The following HEMK2 variants were observed in gnomAD, a reference collection of about 807,000 sequenced individuals.
HEMK2 encodes methyltransferase HEMK2.
the HEMK2 span, among the ~76,000 whole-genome samples, chr21:28,656,032 A>C: frequency 6.6e-6 from 1 of 152,122 alleles, no homozygotes; most frequent in Non-Finnish European, 1.5e-5. Flanking sequence ...TCATACTTTA[A>C]ATATCCAACT....
the HEMK2 span, among the ~76,000 whole-genome samples, chr21:28,644,239 T>C: frequency 6.6e-6 from 1 of 152,078 alleles, no homozygotes; most frequent in Non-Finnish European, 1.5e-5. Context: ...GGAAGAAGAA[T>C]AACCAATGGA....
At chr21:28,628,858 T>C in the HEMK2 span, among the ~76,000 whole-genome samples, 1 of 152,252 alleles carries the variant, frequency 6.6e-6, no homozygotes, top group Non-Finnish European at 1.5e-5. Context: ...CCTGCATCCA[T>C]GTGCTCTGGC....
the HEMK2 span, among the ~76,000 whole-genome samples, chr21:28,586,855 T>C: frequency 6.6e-6 from 1 of 152,130 alleles, no homozygotes; most frequent in Non-Finnish European, 1.5e-5. Context: ...TTGGGCCTCT[T>C]TTATAAGGGC....
chr21:28,618,228 A>G, the HEMK2 span, among the ~76,000 whole-genome samples: 8 of 152,206 alleles, frequency 5.3e-5, no homozygotes, highest in African/African-American at 1.9e-4. Flanking sequence ...CGACTTAAGA[A>G]TTTCAAATCC....
chr21:28,600,397 G>A, the HEMK2 span, among the ~76,000 whole-genome samples: 1 of 152,242 alleles, frequency 6.6e-6, no homozygotes, highest in African/African-American at 2.4e-5. Context: ...AGCCTGAGCT[G>A]TACCTTGGCC....
the HEMK2 span, among the ~76,000 whole-genome samples, chr21:28,836,810 T>TAA: frequency 4.5e-4 from 66 of 146,590 alleles, no homozygotes; most frequent in South Asian, 3.9e-3. Flanking sequence ...GTAAAGCGGT[T>TAA]AAAAAAAAAA....
chr21:28,845,115 G>A, the HEMK2 span, among the ~76,000 whole-genome samples: 1 of 151,964 alleles, frequency 6.6e-6, no homozygotes, highest in Non-Finnish European at 1.5e-5. Context: ...AAGCTTCTTA[G>A]CCATCTGGAA....
At chr21:28,620,613 T>C in the HEMK2 span, among the ~76,000 whole-genome samples, 2 of 151,310 alleles carry the variant, frequency 1.3e-5, no homozygotes, top group Admixed American at 6.6e-5. Context: ...AGTGGTGATA[T>C]TCCCTTTATC....
chr21:28,812,511 T>C, the HEMK2 span, among the ~76,000 whole-genome samples: 1 of 152,202 alleles, frequency 6.6e-6, no homozygotes, highest in East Asian at 1.9e-4. Flanking sequence ...GTGGATAACC[T>C]TTTTGATGTG....
chr21:28,601,536 C>T, the HEMK2 span, among the ~76,000 whole-genome samples: 6 of 151,978 alleles, frequency 3.9e-5, no homozygotes, highest in Non-Finnish European at 7.4e-5. Flanking sequence ...CCCACTTCAC[C>T]GCCTGGCAAT....
At chr21:28,874,198 T>A in the HEMK2 span, 1 of 152,228 alleles carries the variant, frequency 6.6e-6, no homozygotes, top group South Asian at 2.1e-4. Flanking sequence ...TGCCACACTT[T>A]TGCTGTGAAC....
At chr21:28,691,886 A>G in the HEMK2 span, among the ~76,000 whole-genome samples, 84,578 of 152,008 alleles carry the variant, frequency 0.56, 26,193 homozygotes, top group East Asian at 0.84. Flanking sequence ...ATTTCAGAAA[A>G]TAATATGCAT....
chr21:28,852,383 G>A, the HEMK2 span, among the ~76,000 whole-genome samples: 2 of 152,138 alleles, frequency 1.3e-5, no homozygotes, highest in Non-Finnish European at 2.9e-5. Context: ...CTTTAAGTCA[G>A]ACCTGGGCTA....
chr21:28,760,570 C>A, the HEMK2 span, among the ~76,000 whole-genome samples: 1 of 152,296 alleles, frequency 6.6e-6, no homozygotes, highest in East Asian at 1.9e-4. Context: ...CCATTAGTTA[C>A]AAAATAATAT....
At chr21:28,862,114 C>A in the HEMK2 span, among the ~76,000 whole-genome samples, 5 of 152,130 alleles carry the variant, frequency 3.3e-5, no homozygotes, top group Non-Finnish European at 5.9e-5. Context: ...TACTACTTCA[C>A]AAAGGAGGTA....
chr21:28,614,306 T>C, the HEMK2 span, among the ~76,000 whole-genome samples: 1 of 152,210 alleles, frequency 6.6e-6, no homozygotes, highest in African/African-American at 2.4e-5. Context: ...GTGGGTTTTT[T>C]TTTAAGTTTC....
chr21:28,663,261 A>G, the HEMK2 span, among the ~76,000 whole-genome samples: 1 of 152,216 alleles, frequency 6.6e-6, no homozygotes, highest in African/African-American at 2.4e-5. Context: ...ACTGTGGAGG[A>G]CACATGCCTG....
At chr21:28,718,901 T>C in the HEMK2 span, among the ~76,000 whole-genome samples, 2 of 152,206 alleles carry the variant, frequency 1.3e-5, no homozygotes, top group African/African-American at 2.4e-5. Context: ...TTGCAAAATC[T>C]GTCAATGATT....
chr21:28,720,857 T>C, the HEMK2 span, among the ~76,000 whole-genome samples: 758 of 152,302 alleles, frequency 5.0e-3, 8 homozygotes, highest in African/African-American at 0.017. Flanking sequence ...GACAAACTTG[T>C]ACCTCTTCTC....
Sources: allele counts gnomAD v4.1 joint callset (sites outside exome capture counted in the v4.1 genomes callset), GRCh38; gene constraint gnomAD v4.1.1; transcripts MANE v1.5; gene names NCBI Gene and HGNC (gene_info 2026-07-23, HGNC 2026-07-21).